LEMD3: variants seen among roughly 807,000 people sequenced by gnomAD.
LEMD3 encodes the protein LEM domain containing 3.
In LEMD3, 33 loss-of-function variants were observed where a neutral mutation model predicts 95.2. The observed-to-expected ratio is 0.35, with a 90% CI of 0.26 to 0.46. LEMD3 has a LOEUF of 0.46. Ranked by LOEUF, LEMD3 falls within the 20% of genes least tolerant of loss-of-function variation. The probability of loss-of-function intolerance (pLI) is 1.00; values close to 1 mark genes in which losing one functional copy is unlikely to be tolerated. For synonymous variants in LEMD3, 525 were observed against 474.6 expected (o/e 1.11, Z -1.38); for missense variants, 1,210 against 1,192.8 (o/e 1.01, Z -0.21).
chr12:65,187,839 G>A (rs1292649535), intron 1 of LEMD3, among the ~76,000 whole-genome samples: 1 of 152,096 alleles, frequency 6.6e-6, no homozygotes, highest in Non-Finnish European at 1.5e-5. Flanking sequence ...TCTAGGGAAG[G>A]TTCTGAGTTC....
intron 4 of LEMD3, among the ~76,000 whole-genome samples, chr12:65,228,038 G>C (rs1323089695): frequency 6.6e-6 from 1 of 152,076 alleles, no homozygotes; most frequent in African/African-American, 2.4e-5. Context: ...AATGGGATAG[G>C]GACTGGGGAC....
chr12:65,209,864 A>G (rs1869885432), intron 1 of LEMD3, among the ~76,000 whole-genome samples: 1 of 152,112 alleles, frequency 6.6e-6, no homozygotes, highest in South Asian at 2.1e-4. Context: ...AAATAAAAAT[A>G]GAAAAGCATC....
chr12:65,206,169 TA>T (rs1349419279), intron 1 of LEMD3, among the ~76,000 whole-genome samples: 8 of 152,166 alleles, frequency 5.3e-5, no homozygotes, highest in African/African-American at 1.9e-4. Flanking sequence ...CACATAAAAT[TA>T]TGCTGTGCTT....
intron 4 of LEMD3, among the ~76,000 whole-genome samples, chr12:65,227,745 T>C (rs1410999946): frequency 6.6e-6 from 1 of 151,732 alleles, no homozygotes; most frequent in Non-Finnish European, 1.5e-5. Context: ...ATTTTTTTTT[T>C]TTTTTTTGGC....
At chr12:65,205,947 A>G (rs943898919) in intron 1 of LEMD3, among the ~76,000 whole-genome samples, 6 of 152,306 alleles carry the variant, frequency 3.9e-5, no homozygotes, top group South Asian at 4.1e-4. Context: ...TAGAATGACC[A>G]TCTATTTAAT....
chr12:65,169,791 C>G lies in LEMD3; in HGVS notation c.195C>G (p.Asn65Lys). 6.4e-7 allele frequency: 1 copy of G among 1,554,398 alleles called. No homozygotes were observed. The highest frequency in any genetic ancestry group is 1.2e-5 in the South Asian group (1 of 85,298). ...RSGGRGNKTR[N>K]SNNNNTAAAT... Reference sequence around the variant, plus strand: ...GGGGCCGCGGCAACAAGACGCGGAACAGTAATAACAATAACACGGCAGCCG... The same window carrying G: ...GGGGCCGCGGCAACAAGACGCGGAAGAGTAATAACAATAACACGGCAGCCG... Residue 65 changes from asparagine (N) to lysine (K), a missense_variant, in exon 1 of 13, where the codon AAC becomes AAG. Transcript: ENST00000308330.
Position 65,170,667 on chromosome 12 carries a change from C to T in LEMD3, c.1071C>T (p.Tyr357=). ...DQVDSSPVPR[Y]RVNAKKLTPL... is the part of the protein sequence containing the mutation. ...TGGACTCCAGCCCCGTTCCTAGATA[C>T]CGTGTTAACGCTAAGAAACTGACCC... Residue 357 remains tyrosine, a synonymous_variant, in exon 1 of 13, where the codon TAC becomes TAT. Transcript: ENST00000308330. 1.2e-6 allele frequency: 2 copies of T among 1,614,206 alleles called. No homozygotes were observed. The highest frequency in any genetic ancestry group is 1.7e-6 in the Non-Finnish European group (2 of 1,180,046).
rs1163186343 is a variant in LEMD3 at position 65,222,169 on chromosome 12, A to G, written c.1695+3550A>G. ...TTGAATGGTTTTATCATGAAAGGAT[A>G]TTTAATTTTGTCAAATGCTTTTTCT... On this transcript the variant is annotated intron_variant, in intron 4 of 12. Transcript: ENST00000308330. Among the ~76,000 whole-genome samples the G allele has an allele frequency of 2.6e-5, 4 of 152,154 alleles. No individual in the cohort carries two copies. The South Asian group carries it at 6.2e-4, about 24-fold the overall frequency.
At chr12:65,196,640 A>G (rs1036328058) in intron 1 of LEMD3, among the ~76,000 whole-genome samples, 2 of 152,130 alleles carry the variant, frequency 1.3e-5, no homozygotes, top group Non-Finnish European at 2.9e-5. Context: ...TAGACCCAAT[A>G]TAGTCTCTGT....
rs747482454 is a variant in LEMD3 at position 65,240,124 on chromosome 12, A to G, written c.2024-12A>G. ...AGTGATTGATTCATTTGTAAATTTT[A>G]TTTATTTTTAGATGTTTTACGAAGT... On this transcript the variant is annotated splice_polypyrimidine_tract_variant and intron_variant, in intron 7 of 12. Coordinates refer to ENST00000308330, the MANE Select transcript of LEMD3 (RefSeq NM_014319.5). 7.5e-6 allele frequency: 12 copies of G among 1,602,700 alleles called. No homozygotes were observed. Among genetic ancestry groups the G allele is most frequent in the African/African-American group, 1.3e-5 (1 of 74,658 alleles).
chr12:65,237,021 T>C (rs1870793632), intron 4 of LEMD3, among the ~76,000 whole-genome samples: 1 of 152,154 alleles, frequency 6.6e-6, no homozygotes, highest in Admixed American at 6.5e-5. Flanking sequence ...GTGGGAGATA[T>C]ACATTTATAT....
rs146366122 is a variant in LEMD3, at chr12:65,244,070, A to C, written c.2387+601A>C. On this transcript the variant is annotated intron_variant, in intron 10 of 12. Transcript: ENST00000308330. ...AATAGTTCTTAGAATTAGCTTCCTGAGGGCACTGCTTATCTATCCAGTGAT... is the reference window on the plus strand; with the variant it reads ...AATAGTTCTTAGAATTAGCTTCCTGCGGGCACTGCTTATCTATCCAGTGAT... Among the ~76,000 whole-genome samples the C allele has an allele frequency of 2.6e-5, 4 of 152,310 alleles. No individual in the cohort carries two copies. In the East Asian group the frequency reaches 5.8e-4, roughly 22 times the overall value.
chr12:65,197,773 A>G (rs1479202916), intron 1 of LEMD3, among the ~76,000 whole-genome samples: 1 of 152,046 alleles, frequency 6.6e-6, no homozygotes, highest in Non-Finnish European at 1.5e-5. Context: ...TGTATGTATA[A>G]TGCCCTTTTC....
At chr12:65,217,456 C>G (rs889955592) in intron 3 of LEMD3, among the ~76,000 whole-genome samples, 1 of 152,170 alleles carries the variant, frequency 6.6e-6, no homozygotes, top group African/African-American at 2.4e-5. Flanking sequence ...CTTTTTATAG[C>G]TACTGACATT....
intron 1 of LEMD3, among the ~76,000 whole-genome samples, chr12:65,197,207 ATTTGT>A: frequency 6.6e-6 from 1 of 152,198 alleles, no homozygotes; most frequent in East Asian, 1.9e-4. Context: ...CTTCTATCTG[ATTTGT>A]TTTAATAGTA....
chr12:65,192,685 G>C (rs1005110621), intron 1 of LEMD3, among the ~76,000 whole-genome samples: 1 of 152,026 alleles, frequency 6.6e-6, no homozygotes, highest in Non-Finnish European at 1.5e-5. Context: ...TTTTCAGTGG[G>C]ACACAGGACA....
intron 1 of LEMD3, among the ~76,000 whole-genome samples, chr12:65,199,817 G>T (rs1375512017): frequency 6.6e-6 from 1 of 152,026 alleles, no homozygotes; most frequent in Non-Finnish European, 1.5e-5. Flanking sequence ...CATGTGGGAA[G>T]ATTATGTTTA....
At chr12:65,186,854 G>A (rs940757618) in intron 1 of LEMD3, among the ~76,000 whole-genome samples, 1 of 151,978 alleles carries the variant, frequency 6.6e-6, no homozygotes, top group African/African-American at 2.4e-5. Context: ...ATAGTAGTAT[G>A]TTGGGAAATT....
intron 1 of LEMD3, among the ~76,000 whole-genome samples, chr12:65,178,074 G>C (rs758756473): frequency 9.2e-5 from 14 of 151,884 alleles, no homozygotes; most frequent in Admixed American, 5.3e-4. Context: ...TTGAACTCCT[G>C]GGCTCAAGCG....
Sources: allele counts gnomAD v4.1 joint callset (sites outside exome capture counted in the v4.1 genomes callset), GRCh38; gene constraint gnomAD v4.1.1; transcripts MANE v1.5; gene names NCBI Gene and HGNC (gene_info 2026-07-23, HGNC 2026-07-21).